The following APOB variants were observed in gnomAD, a reference collection of about 807,000 sequenced individuals.
APOB encodes the protein apolipoprotein B.
In APOB, 153 loss-of-function variants were observed where a neutral mutation model predicts 314.1. The ratio of observed to expected loss-of-function variants is 0.49; its 90% CI spans 0.43 to 0.56. The LOEUF is 0.56. Among genes scored for constraint, APOB ranks in the 20% least tolerant of loss-of-function variants. The pLI, the probability that APOB is intolerant of heterozygous loss-of-function variation, is 0.00. For missense variants in APOB, 5,430 were observed against 5,350.7 expected (o/e 1.01, Z -0.46); for synonymous variants, 2,087 against 2,036.4 (o/e 1.02, Z -0.67).
Position 21,006,976 on chromosome 2 carries a change from T to G in APOB, c.9892A>C (p.Ile3298Leu). 6.2e-7 allele frequency: 1 copy of G among 1,614,038 alleles called. No homozygotes were observed. The highest frequency in any genetic ancestry group is 8.5e-7 in the Non-Finnish European group (1 of 1,179,934). ...ACTGGCAGCTCTAATGATGGCAGGA[T>G]TAATGTGTATGAAGGCACACGGACG... ...SDVRVPSYTLILPSLELPVLH... is the reference protein window; with the variant it reads ...SDVRVPSYTLLLPSLELPVLH... Residue 3298 changes from isoleucine to leucine, a missense_variant, in exon 26 of 29, where the codon ATC becomes CTC. Around this residue, in one of 3 missense-constraint regions of APOB, gnomAD observed 3,281 missense variants for 3,171.0 expected, o/e 1.03. Transcript: ENST00000233242.
chr2:21,015,139 T>C lies in APOB; in HGVS notation c.3630A>G (p.Arg1210=). The C allele has an allele frequency of 6.2e-7, 1 of 1,614,134 alleles. No homozygotes were observed. The change falls in exon 23 of 29, where the codon AGA becomes AGG. Residue 1210 remains arginine (R), a synonymous_variant. Transcript: ENST00000233242. Reference sequence around the variant, plus strand: ...TTTGAGGGACTCTGTGATCCAGGAGTCTATTAGCATACATATGCAAGCTCT... The same window carrying C: ...TTTGAGGGACTCTGTGATCCAGGAGCCTATTAGCATACATATGCAAGCTCT... ...YPKSLHMYAN[R]LLDHRVPQTD...
At position 21,010,210 on chromosome 2, in the gene APOB, C is replaced by A. The variant is rs941507917; in HGVS notation, c.6658G>T (p.Val2220Leu). 6.3e-7 allele frequency: 1 copy of A among 1,591,774 alleles called. No homozygotes were observed. The highest frequency in any genetic ancestry group is 8.6e-7 in the Non-Finnish European group (1 of 1,165,168). ...KSLDEHYHIR[V>L]NLVKTIHDLH... ...TCATGGATTGTTTTTACTAAATTTA[C>A]ACGGATATGATAGTGCTCATCAAGA... Residue 2220 changes from valine to leucine, a missense_variant, in exon 26 of 29, where the codon GTA becomes TTA. By Grantham distance (32) the Val-to-Leu change is conservative (BLOSUM62 1). Coordinates refer to ENST00000233242, the MANE Select transcript of APOB (RefSeq NM_000384.3).
rs796837484 is a variant in APOB at position 21,030,073 on chromosome 2, A to G, written c.1353-58T>C. On this transcript the variant is annotated intron_variant, in intron 10 of 28. Transcript: ENST00000233242. The stretch of plus-strand genomic sequence containing the variant: ...TAACCCCAGTTAGGTTTGTCTTAAA[A>G]CCCAAACTTGTGAATTAGAAAAAAT... 4 of 1,070,306 alleles carry G rather than the reference A, an allele frequency of 3.7e-6. No individual in the cohort carries two copies. The African/African-American group carries it at 6.3e-5, about 17-fold the overall frequency. 66.3% of individuals were successfully genotyped at this position (1,070,306 alleles called of 1,614,324 possible).
Position 21,019,120 on chromosome 2 carries a change from A to G in APOB, c.3000-7T>C. 16 of 1,614,018 alleles carry G rather than the reference A, an allele frequency of 9.9e-6. No homozygotes were observed. Among genetic ancestry groups the G allele is most frequent in the Non-Finnish European group, 1.4e-5 (16 of 1,179,994 alleles). The stretch of plus-strand genomic sequence containing the variant: ...CCTCAGTTCCAGCTCTAATCTAAAG[A>G]CATTACAATGAAGACAGTGCATAAT... On this transcript the variant is annotated splice_polypyrimidine_tract_variant and splice_region_variant and intron_variant, in intron 19 of 28. Transcript: ENST00000233242.
At chr2:21,042,533 C>T (rs1233190875) in intron 2 of APOB, 57 bp from the exon 3 acceptor site, 20 of 1,343,702 alleles carry the variant, frequency 1.5e-5, no homozygotes, top group Admixed American at 8.4e-5. Flanking sequence ...CCAAGGACAG[C>T]CAATTCTGGG....
chr2:21,004,681 T>C lies in APOB; in HGVS notation c.11789-6A>G. The C allele has an allele frequency of 1.3e-6, 2 of 1,596,886 alleles. No homozygotes were observed. Among genetic ancestry groups the C allele is most frequent in the East Asian group, 2.2e-5 (1 of 44,798 alleles). Reference sequence around the variant, plus strand: ...GATTTTGTGTGTTCCCAAAACTGTATAGGAGAGATTTTGTATTTTATTAGA... The same window carrying C: ...GATTTTGTGTGTTCCCAAAACTGTACAGGAGAGATTTTGTATTTTATTAGA... On this transcript the variant is annotated splice_region_variant and splice_polypyrimidine_tract_variant and intron_variant, in intron 26 of 28. Coordinates refer to ENST00000233242, the MANE Select transcript of APOB (RefSeq NM_000384.3).
intron 4 of APOB, 48 bp downstream of exon 4, chr2:21,040,890 C>A (rs1379850588): frequency 6.2e-7 from 1 of 1,609,920 alleles, no homozygotes; most frequent in South Asian, 1.1e-5. Context: ...AAGTTCATAC[C>A]TCAGCGGACA....
chr2:21,010,970 G>C lies in APOB; in HGVS notation c.5898C>G (p.His1966Gln). 6.2e-7 allele frequency: 1 copy of C among 1,614,166 alleles called. No individual in the cohort carries two copies. The change falls in exon 26 of 29, where the codon CAC (histidine) becomes CAG (glutamine). Residue 1966 changes from histidine to glutamine, a missense_variant. His to Gln is a conservative substitution (Grantham distance 24). Around this residue, in one of 3 missense-constraint regions of APOB, gnomAD observed 3,281 missense variants for 3,171.0 expected, o/e 1.03. Coordinates refer to ENST00000233242, the MANE Select transcript of APOB (RefSeq NM_000384.3). The part of the protein sequence containing the change: ...SRKSISAALE[H>Q]KVSALLTPAE... ...CTGGAGTAAGCAGGGCACTGACTTT[G>C]TGTTCAAGAGCTGCACTGATGCTTT...
At chr2:21,026,341 G>A (rs888052843) in intron 15 of APOB, among the ~76,000 whole-genome samples, 121 of 151,918 alleles carry the variant, frequency 8.0e-4, no homozygotes, top group Middle Eastern at 3.4e-3. Context: ...TCCACCTCCC[G>A]GGTTCAAGCA....
intron 20 of APOB, 72 bp downstream of exon 20, chr2:21,018,920 A>C: frequency 6.2e-7 from 1 of 1,609,194 alleles, no homozygotes; most frequent in Non-Finnish European, 8.5e-7. Context: ...GTTAAATTAC[A>C]TGTCTTCTCC....
intron 14 of APOB, among the ~76,000 whole-genome samples, chr2:21,027,215 T>C (rs909360765): frequency 6.6e-6 from 1 of 152,120 alleles, no homozygotes; most frequent in Non-Finnish European, 1.5e-5. Context: ...GATTCAGAGT[T>C]GGGAGTGATT....
chr2:21,022,784 T>A (rs1244379604), intron 18 of APOB, 47 bp downstream of exon 18: 1 of 1,586,950 alleles, frequency 6.3e-7, no homozygotes, highest in African/African-American at 1.3e-5. Flanking sequence ...GTACATTCTC[T>A]GTTCTCTCTT....
chr2:21,035,543 A>T, intron 7 of APOB, 41 bp downstream of exon 7: 1 of 1,612,306 alleles, frequency 6.2e-7, no homozygotes, highest in East Asian at 2.2e-5. Flanking sequence ...GTTCACACTG[A>T]CCCATTAAAT....
chr2:21,019,125 A>G lies in APOB; in HGVS notation c.3000-12T>C. On this transcript the variant is annotated splice_polypyrimidine_tract_variant and intron_variant, in intron 19 of 28. Transcript: ENST00000233242. ...GTTCCAGCTCTAATCTAAAGACATT[A>G]CAATGAAGACAGTGCATAATGTTAG... is the stretch of plus-strand genomic sequence containing the variant. 2 of 1,614,068 alleles carry G rather than the reference A, an allele frequency of 1.2e-6. No individual in the cohort carries two copies. Among genetic ancestry groups the G allele is most frequent in the Middle Eastern group, 1.7e-4 (1 of 6,052 alleles).
chr2:21,010,228 C>T lies in APOB; in HGVS notation c.6640G>A (p.Glu2214Lys), dbSNP rs1239957664. The stretch of plus-strand genomic sequence containing the variant: ...AAATTTACACGGATATGATAGTGCT[C>T]ATCAAGACTTTTTAATTTTTCAATG... Reference protein sequence around the residue: ...EIIEKLKSLDEHYHIRVNLVK... With the variant: ...EIIEKLKSLDKHYHIRVNLVK... The change falls in exon 26 of 29, where the codon GAG becomes AAG. Residue 2214 changes from glutamate to lysine, a missense_variant. By Grantham distance (56) the Glu-to-Lys change is moderately conservative (BLOSUM62 1). Around this residue, in one of 3 missense-constraint regions of APOB, gnomAD observed 3,281 missense variants for 3,171.0 expected, o/e 1.03. Transcript: ENST00000233242. 3 of 1,549,714 alleles carry T rather than the reference C, an allele frequency of 1.9e-6. No homozygotes were observed. Among genetic ancestry groups the T allele is most frequent in the Non-Finnish European group, 2.6e-6 (3 of 1,145,982 alleles).
chr2:21,019,379 CTTGGGG>C (rs1179959246), intron 19 of APOB, among the ~76,000 whole-genome samples: 36 of 152,146 alleles, frequency 2.4e-4, no homozygotes, highest in Non-Finnish European at 1.5e-5. Flanking sequence ...AGCACTGGAA[CTTGGGG>C]GCTGAAGACA....
chr2:21,012,811 G>A (rs572726891), intron 25 of APOB, among the ~76,000 whole-genome samples, 160 bp from the exon 26 acceptor site: 43 of 152,274 alleles, frequency 2.8e-4, no homozygotes, highest in African/African-American at 7.7e-4. Context: ...ATAGCAAAAG[G>A]CATTCCTCCA....
At position 21,037,245 on chromosome 2, in the gene APOB, T is replaced by C; in HGVS notation, c.548A>G (p.Tyr183Cys). Reference sequence around the variant, plus strand: ...GGTAAAGTGAGTGGAGCAGTTTCCATACACGGTATCCTATGGAGGAAGAAG... The same window carrying C: ...GGTAAAGTGAGTGGAGCAGTTTCCACACACGGTATCCTATGGAGGAAGAAG... Reference protein sequence around the residue: ...AKQVLFLDTVYGNCSTHFTVK... With the variant: ...AKQVLFLDTVCGNCSTHFTVK... The change falls in exon 6 of 29, where the codon TAT becomes TGT. Residue 183 changes from tyrosine (Y) to cysteine (C), a missense_variant. Around this residue, in one of 3 missense-constraint regions of APOB, gnomAD observed 2,085 missense variants for 2,079.7 expected, o/e 1.00. Coordinates refer to ENST00000233242, the MANE Select transcript of APOB (RefSeq NM_000384.3). 2.5e-6 allele frequency: 4 copies of C among 1,614,090 alleles called. No individual in the cohort carries two copies. The highest frequency in any genetic ancestry group is 3.4e-6 in the Non-Finnish European group (4 of 1,180,018).
intron 24 of APOB, 86 bp downstream of exon 24, chr2:21,014,362 A>T (rs1331292198): frequency 2.6e-6 from 4 of 1,524,978 alleles, no homozygotes; most frequent in South Asian, 1.2e-5. Context: ...TCCTTTAAAA[A>T]TTTAAAAAAA....
Sources: gnomAD v4.1 joint callset for allele counts (sites outside exome capture counted in the v4.1 genomes callset) on GRCh38, gnomAD v4.1.1 for gene constraint, gnomAD v4.1.1 regional missense constraint, MANE v1.5 for transcripts, NCBI Gene and HGNC (gene_info 2026-07-23, HGNC 2026-07-21) for gene names.